The following EPM2A variants were observed in gnomAD, a reference collection of about 807,000 sequenced individuals.
The protein encoded by EPM2A is laforin.
Under a neutral mutation model 26.5 loss-of-function variants are expected in EPM2A, and 21 were observed. The observed-to-expected ratio is 0.79, with a 90% CI of 0.56 to 1.14. EPM2A has a LOEUF of 1.14. Among genes scored for constraint, EPM2A ranks in the 50% most tolerant of loss-of-function variants. The pLI, the probability that EPM2A is intolerant of heterozygous loss-of-function variation, is 0.00. For synonymous variants in EPM2A, 217 were observed against 177.6 expected, an observed-to-expected ratio of 1.22 and a Z score of -1.76; for missense variants, 458 against 440.8, an observed-to-expected ratio of 1.04 and a Z score of -0.35.
At chr6:145,455,302 GA>G (rs911671627) in intron 4 of EPM2A, among the ~76,000 whole-genome samples, 92 of 62,648 alleles carry the variant, frequency 1.5e-3, no homozygotes, top group African/African-American at 2.6e-3. Flanking sequence ...AAAAATGAAA[GA>G]AAAAAACAAC....
chr6:145,426,287 A>G (rs916505990), intron 4 of EPM2A, among the ~76,000 whole-genome samples: 1 of 152,206 alleles, frequency 6.6e-6, no homozygotes, highest in African/African-American at 2.4e-5. Context: ...CTTTGCATGT[A>G]TAACTCATCC....
chr6:145,646,745 C>G (rs1023615010), intron 2 of EPM2A, among the ~76,000 whole-genome samples: 1 of 152,244 alleles, frequency 6.6e-6, no homozygotes, highest in South Asian at 2.1e-4. Flanking sequence ...TCCATTATCT[C>G]TAGCTCAGAC....
chr6:145,406,312 C>A (rs1294209578), intron 4 of EPM2A, among the ~76,000 whole-genome samples: 1 of 152,046 alleles, frequency 6.6e-6, no homozygotes, highest in Non-Finnish European at 1.5e-5. Context: ...TAACAATATA[C>A]AAGAAGCTTC....
intron 1 of EPM2A, among the ~76,000 whole-genome samples, chr6:145,703,874 C>T (rs1351252084): frequency 6.6e-6 from 1 of 152,162 alleles, no homozygotes; most frequent in African/African-American, 2.4e-5. Context: ...TCGAACATGT[C>T]ATAAACATCA....
chr6:145,388,468 T>G (rs1778292458), intron 4 of EPM2A, among the ~76,000 whole-genome samples: 1 of 152,154 alleles, frequency 6.6e-6, no homozygotes. Context: ...TAACCCCAGA[T>G]AAAACCCAGA....
At chr6:145,491,249 G>GGCCA (rs751800040) in intron 4 of EPM2A, 28 of 369,032 alleles carry the variant, frequency 7.6e-5, no homozygotes, top group Non-Finnish European at 1.4e-4. Context: ...GGGGCTAGCC[G>GGCCA]GCCACTTCGG....
rs76469581 is a variant in EPM2A, at chr6:145,546,562, T to A, written c.341-43987A>T. Among the ~76,000 whole-genome samples the A allele has an allele frequency of 4.6e-3, 704 of 152,194 alleles. 24 individuals are homozygous for A. In the East Asian group the frequency reaches 0.084, roughly 18 times the overall value. On this transcript the variant is annotated intron_variant, in intron 2 of 3. Coordinates refer to the EPM2A transcript ENST00000450221. ...TCAAGTTGACACCTAAAATTAACCA[T>A]CACATCACAATTGTAATTAATTTAT...
At position 145,626,862 on chromosome 6, in the gene EPM2A, A is replaced by G; in HGVS notation, c.*554T>C. 2.0e-6 allele frequency: 2 copies of G among 992,318 alleles called. No homozygotes were observed. Among genetic ancestry groups the G allele is most frequent in the Non-Finnish European group, 1.2e-6 (1 of 833,682 alleles). The allele number at this position is 992,318 out of a possible 1,614,324, so 61.5% of individuals were successfully genotyped here. ...GAAGGAAGGTGATGCCTTGGAACAG[A>G]CTTTAACAACTGTGAGGCAGGATAA... On this transcript the variant is annotated 3_prime_UTR_variant, in exon 4 of 4. Coordinates refer to ENST00000367519, the MANE Select transcript of EPM2A (RefSeq NM_005670.4).
At chr6:145,651,144 C>T (rs996644301) in intron 2 of EPM2A, among the ~76,000 whole-genome samples, 2 of 152,114 alleles carry the variant, frequency 1.3e-5, no homozygotes, top group African/African-American at 4.8e-5. Context: ...AGCTGCAAAC[C>T]TTATCTCTTA....
At chr6:145,446,719 T>G (rs960327539) in intron 4 of EPM2A, among the ~76,000 whole-genome samples, 9 of 151,966 alleles carry the variant, frequency 5.9e-5, no homozygotes, top group Non-Finnish European at 1.3e-4. Context: ...TATCACTTCT[T>G]CTGCTTGGTT....
intron 4 of EPM2A, among the ~76,000 whole-genome samples, chr6:145,443,852 CAG>C (rs893204147): frequency 1.6e-4 from 25 of 152,122 alleles, no homozygotes; most frequent in African/African-American, 5.8e-4. Context: ...GTTTTAAAAA[CAG>C]GGGTTTCTCT....
At chr6:145,390,996 T>C (rs189379839) in intron 4 of EPM2A, among the ~76,000 whole-genome samples, 1 of 152,240 alleles carries the variant, frequency 6.6e-6, no homozygotes, top group African/African-American at 2.4e-5. Flanking sequence ...TACTTGCTGG[T>C]TGGGGGTTTG....
At chr6:145,484,670 A>G (rs970587630) in intron 4 of EPM2A, among the ~76,000 whole-genome samples, 2 of 152,066 alleles carry the variant, frequency 1.3e-5, no homozygotes, top group African/African-American at 4.8e-5. Context: ...TGTTCAGAGG[A>G]TTAATAAAAA....
intron 4 of EPM2A, among the ~76,000 whole-genome samples, chr6:145,425,359 G>A (rs1259482497): frequency 1.3e-5 from 2 of 151,998 alleles, no homozygotes; most frequent in Non-Finnish European, 2.9e-5. Context: ...TTTTTTAGTA[G>A]ATACAGGGTT....
intron 4 of EPM2A, among the ~76,000 whole-genome samples, chr6:145,449,460 AT>A (rs1175051932): frequency 2.0e-5 from 3 of 152,192 alleles, no homozygotes; most frequent in Non-Finnish European, 4.4e-5. Context: ...TTGAGAAAAA[AT>A]TTGCCAGAAT....
intron 4 of EPM2A, among the ~76,000 whole-genome samples, chr6:145,389,256 A>G (rs1347552331): frequency 6.6e-6 from 1 of 150,570 alleles, no homozygotes; most frequent in Admixed American, 6.6e-5. Context: ...GCAGTGGCAC[A>G]TCGGCTCACT....
At chr6:145,393,623 CAAAT>C (rs775483789) in intron 4 of EPM2A, among the ~76,000 whole-genome samples, 5 of 152,010 alleles carry the variant, frequency 3.3e-5, no homozygotes, top group Non-Finnish European at 7.4e-5. Flanking sequence ...GGTCTGAACT[CAAAT>C]AGATACTGGG....
chr6:145,683,904 T>A (rs1000773812), intron 2 of EPM2A, among the ~76,000 whole-genome samples: 1 of 151,964 alleles, frequency 6.6e-6, no homozygotes, highest in Non-Finnish European at 1.5e-5. Context: ...ATAGTAAATA[T>A]GAACAACTAA....
chr6:145,658,488 G>A (rs1411064796), intron 2 of EPM2A, among the ~76,000 whole-genome samples: 1 of 152,070 alleles, frequency 6.6e-6, no homozygotes, highest in East Asian at 1.9e-4. Flanking sequence ...AAATCCCAGT[G>A]GATGCTTTTC....
Sources: gnomAD v4.1 joint callset for allele counts (sites outside exome capture counted in the v4.1 genomes callset) on GRCh38, gnomAD v4.1.1 for gene constraint, MANE v1.5 for transcripts, NCBI Gene and HGNC (gene_info 2026-07-23, HGNC 2026-07-21) for gene names.